ATP5PB: variants seen among roughly 807,000 people sequenced by gnomAD.
ATP5PB encodes the protein ATP synthase peripheral stalk subunit b, mitochondrial.
A neutral mutation model predicts 34.5 loss-of-function variants in ATP5PB; 21 were observed. That is an observed-to-expected ratio of 0.61 (90% CI 0.43 to 0.88). ATP5PB has a LOEUF of 0.88. Ranked by LOEUF, ATP5PB falls within the 40% of genes least tolerant of loss-of-function variation. The pLI is 0.00. For synonymous variants in ATP5PB, 108 were observed against 114.1 expected, an observed-to-expected ratio of 0.95 and a Z score of 0.34; for missense variants, 293 against 317.4, an observed-to-expected ratio of 0.92 and a Z score of 0.58.
In ATP5PB at chr1:111,454,230, A is replaced by T; in HGVS notation, c.97A>T (p.Thr33Ser). 1 of 1,599,424 alleles carries T rather than the reference A, an allele frequency of 6.3e-7. No homozygotes were observed. Among genetic ancestry groups the T allele is most frequent in the Non-Finnish European group, 8.5e-7 (1 of 1,175,434 alleles). ...CTGTAGGGTATTGCAGGCAACAAGG[A>T]CCTTTCATACAGGGCAGCCACACCT... ...LGPGVLQATRTFHTGQPHLVP... is the reference protein window; with the variant it reads ...LGPGVLQATRSFHTGQPHLVP... The change falls in exon 3 of 7, where the codon ACC becomes TCC. Residue 33 changes from threonine (T) to serine (S), a missense_variant. Transcript: ENST00000369722.
intron 5 of ATP5PB, 95 bp downstream of exon 5, chr1:111,456,850 A>G: frequency 7.3e-7 from 1 of 1,367,586 alleles, no homozygotes; most frequent in Non-Finnish European, 9.6e-7. Flanking sequence ...AATAGATTGA[A>G]CGTATTTTAT....
At chr1:111,456,046 A>C in intron 3 of ATP5PB, 40 bp from the exon 4 acceptor site, 1 of 1,470,602 alleles carries the variant, frequency 6.8e-7, no homozygotes, top group Non-Finnish European at 9.1e-7. Context: ...TCTTTTAGGC[A>C]TAGCATATCC....
chr1:111,458,702 A>G (rs1358204198), intron 5 of ATP5PB, among the ~76,000 whole-genome samples: 1 of 150,224 alleles, frequency 6.7e-6, no homozygotes, highest in Non-Finnish European at 1.5e-5. Flanking sequence ...CTTGTTGCCA[A>G]TAGCCTTCAG....
In ATP5PB at chr1:111,461,034, T is replaced by G; in HGVS notation, c.*40T>G. The G allele has an allele frequency of 3.2e-6, 5 of 1,557,168 alleles. No individual in the cohort carries two copies. Among genetic ancestry groups the G allele is most frequent in the Non-Finnish European group, 4.4e-6 (5 of 1,131,932 alleles). On this transcript the variant is annotated 3_prime_UTR_variant, in exon 7 of 7. Transcript: ENST00000369722. The stretch of plus-strand genomic sequence containing the variant: ...ATTGAGACAGCTAGAAACAGTTGAC[T>G]GACTAAATGGAAACTAGTCTATTTG...
Position 111,454,632 on chromosome 1 carries a change from G to A in ATP5PB, c.223+276G>A, listed in dbSNP as rs115640365. ...CATTTTTCTATTTTTTTGTAGAGAC[G>A]GGCTTTCACCATGTAGCCCAGGCTG... On this transcript the variant is annotated intron_variant, in intron 3 of 6. Transcript: ENST00000369722. 9.5e-3 allele frequency among the ~76,000 whole-genome samples: 1,439 copies of A among 152,004 alleles called. 19 individuals carry two copies. The highest frequency in any genetic ancestry group is 0.033 in the African/African-American group (1,378 of 41,452).
At chr1:111,452,905 C>T (rs778428326) in intron 2 of ATP5PB, among the ~76,000 whole-genome samples, 2 of 152,112 alleles carry the variant, frequency 1.3e-5, no homozygotes, top group African/African-American at 4.8e-5. Flanking sequence ...CCAGTTCAAA[C>T]GTCGGTAGTG....
chr1:111,454,720 G>A (rs550105934), intron 3 of ATP5PB, among the ~76,000 whole-genome samples: 13 of 152,262 alleles, frequency 8.5e-5, no homozygotes, highest in African/African-American at 2.2e-4. Flanking sequence ...TGGGATTACA[G>A]GCTTGAGCCA....
intron 1 of ATP5PB, 104 bp downstream of exon 1, chr1:111,449,685 G>C (rs1653251189): frequency 7.8e-6 from 12 of 1,546,040 alleles, no homozygotes; most frequent in Non-Finnish European, 1.1e-5. Flanking sequence ...GGCCTGAGAG[G>C]CGAGTGGTCA....
intron 6 of ATP5PB, 64 bp from the exon 7 acceptor site, chr1:111,460,853 T>C: frequency 6.8e-7 from 1 of 1,464,382 alleles, no homozygotes; most frequent in Non-Finnish European, 9.5e-7. Context: ...AATAATGGTG[T>C]TTATACTCTA....
chr1:111,449,893 T>A lies in ATP5PB; in HGVS notation c.77+20T>A. On this transcript the variant is annotated intron_variant, in intron 2 of 6. Transcript: ENST00000369722. The stretch of plus-strand genomic sequence containing the variant: ...TCCAGGGTAAGTGTGAGGATAATGC[T>A]CCCTTTCGTCTTTGTTTTCACTACC... 6.2e-7 allele frequency: 1 copy of A among 1,614,012 alleles called. No homozygotes were observed.
At chr1:111,456,283 C>G in intron 4 of ATP5PB, 34 bp downstream of exon 4, 1 of 1,529,732 alleles carries the variant, frequency 6.5e-7, no homozygotes, top group Non-Finnish European at 8.8e-7. Flanking sequence ...CTATTTTAGA[C>G]TAGCAGAAAC....
intron 3 of ATP5PB, among the ~76,000 whole-genome samples, chr1:111,454,616 A>AT (rs1368402862): frequency 6.6e-6 from 1 of 151,462 alleles, no homozygotes; most frequent in Non-Finnish European, 1.5e-5. Context: ...TCATTTTTCT[A>AT]TTTTTTTGTA....
Position 111,454,339 on chromosome 1 carries a change from C to T in ATP5PB, c.206C>T (p.Pro69Leu). Residue 69 changes from proline (P) to leucine (L), a missense_variant, in exon 3 of 7, where the codon CCT (proline) becomes CTT (leucine). Transcript: ENST00000369722. The part of the protein sequence containing the change: ...IPEEFFQFLY[P>L]KTGVTGPYVL... ...GAGGAATTCTTCCAGTTTCTTTATC[C>T]TAAAACTGGTGTAACAGGTGAGCAT... The T allele has an allele frequency of 6.2e-7, 1 of 1,605,416 alleles. No individual in the cohort carries two copies. Among genetic ancestry groups the T allele is most frequent in the Non-Finnish European group, 8.5e-7 (1 of 1,177,206 alleles).
intron 2 of ATP5PB, among the ~76,000 whole-genome samples, chr1:111,450,235 A>T (rs1653280858): frequency 6.6e-6 from 1 of 152,244 alleles, no homozygotes; most frequent in Non-Finnish European, 1.5e-5. Context: ...TCAATAAAAC[A>T]GTAAAGCATG....
At chr1:111,453,142 G>C (rs1653379014) in intron 2 of ATP5PB, among the ~76,000 whole-genome samples, 1 of 152,150 alleles carries the variant, frequency 6.6e-6, no homozygotes. Flanking sequence ...CTGAAAACTT[G>C]AAGGAGACTA....
intron 6 of ATP5PB, 83 bp downstream of exon 6, chr1:111,459,719 G>A: frequency 1.4e-6 from 2 of 1,438,220 alleles, no homozygotes; most frequent in Non-Finnish European, 1.9e-6. Context: ...GGTAGGAATA[G>A]CTGGCAAGGA....
At chr1:111,454,799 T>A (rs1053595770) in intron 3 of ATP5PB, among the ~76,000 whole-genome samples, 1 of 152,218 alleles carries the variant, frequency 6.6e-6, no homozygotes, top group South Asian at 2.1e-4. Flanking sequence ...TGCTCCAACT[T>A]GTCTTTGGTA....
chr1:111,457,079 T>C (rs1318427157), intron 5 of ATP5PB, among the ~76,000 whole-genome samples: 1 of 152,234 alleles, frequency 6.6e-6, no homozygotes, highest in East Asian at 1.9e-4. Flanking sequence ...ATACATCCTG[T>C]GTATTTCATA....
In ATP5PB at chr1:111,459,516, G is replaced by A. The variant is rs767531827; in HGVS notation, c.573G>A (p.Lys191=). 1 of 1,613,930 alleles carries A rather than the reference G, an allele frequency of 6.2e-7. No homozygotes were observed. Among genetic ancestry groups the A allele is most frequent in the Non-Finnish European group, 8.5e-7 (1 of 1,179,846 alleles). Residue 191 remains lysine, a synonymous_variant, in exon 6 of 7, where the codon AAG becomes AAA. Coordinates refer to ENST00000369722, the MANE Select transcript of ATP5PB (RefSeq NM_001688.5). The stretch of plus-strand genomic sequence containing the variant: ...GGGAACGACTGTATAGAGTATATAA[G>A]GAAGTAAAGAATCGCCTGGACTATC... ...TYRERLYRVY[K]EVKNRLDYHI... is the part of the protein sequence containing the mutation.
Sources: allele counts gnomAD v4.1 joint callset (sites outside exome capture counted in the v4.1 genomes callset), GRCh38; gene constraint gnomAD v4.1.1; transcripts MANE v1.5; gene names NCBI Gene and HGNC (gene_info 2026-07-23, HGNC 2026-07-21).